Variants in ANKH observed in about 807,000 individuals in gnomAD.
The protein encoded by ANKH is mineralization regulator ANKH.
A neutral mutation model predicts 49.0 loss-of-function variants in ANKH; 15 were observed. That is an observed-to-expected ratio of 0.31 (90% confidence interval 0.20 to 0.47). The LOEUF is 0.47. Ranked by LOEUF, ANKH falls within the 20% of genes least tolerant of loss-of-function variation. The probability of loss-of-function intolerance (pLI) is 1.00; values close to 1 mark genes in which losing one functional copy is unlikely to be tolerated. For missense variants in ANKH, 429 were observed against 652.0 expected (o/e 0.66, Z 3.72); for synonymous variants, 273 against 260.0 (o/e 1.05, Z -0.48).
At chr5:14,717,086 T>C in intron 8 of ANKH, 2 of 468,148 alleles carry the variant, frequency 4.3e-6, no homozygotes, top group Admixed American at 6.4e-5. Flanking sequence ...CCTCCAAGAG[T>C]GGGTCATTTA....
chr5:14,797,479 GT>G, intron 1 of ANKH: 1 of 1,611,268 alleles, frequency 6.2e-7, no homozygotes, highest in Non-Finnish European at 8.5e-7. Context: ...TGCAACTTAA[GT>G]TTCAGATTTC....
In ANKH at chr5:14,711,312, T is replaced by C; in HGVS notation, c.1366-2A>G. The C allele has an allele frequency of 6.2e-7, 1 of 1,613,004 alleles. No homozygotes were observed. Among genetic ancestry groups the C allele is most frequent in the Non-Finnish European group, 8.5e-7 (1 of 1,178,982 alleles). ...CGACTCATTCTCCATCTTCTTTTTC[T>C]AGACCAAAGAAGACTCATCAGTGTG... is the stretch of plus-strand genomic sequence containing the variant. On this transcript the variant is annotated splice_acceptor_variant, in intron 11 of 11. Transcript: ENST00000284268. LOFTEE classifies it high-confidence loss of function.
At chr5:14,870,852 G>A (rs755290618) in intron 1 of ANKH, 5 of 180,464 alleles carry the variant, frequency 2.8e-5, no homozygotes, top group Admixed American at 5.8e-5. Context: ...GTCAAGACCG[G>A]CTTATCAGGA....
At chr5:14,791,374 T>C (rs955187808) in intron 1 of ANKH, among the ~76,000 whole-genome samples, 5 of 152,166 alleles carry the variant, frequency 3.3e-5, no homozygotes, top group African/African-American at 1.2e-4. Flanking sequence ...TGGTAGTTGC[T>C]TGGTGATTTC....
intron 1 of ANKH, chr5:14,797,496 T>C: frequency 7.4e-6 from 12 of 1,611,316 alleles, no homozygotes; most frequent in Non-Finnish European, 1.0e-5. Flanking sequence ...ATTTCTCAGA[T>C]CCCACAAGGC....
In ANKH at chr5:14,737,193, G is replaced by A. The variant is rs1738214590; in HGVS notation, c.1011+4634C>T. Among the ~76,000 whole-genome samples the A allele has an allele frequency of 1.3e-5, 2 of 152,228 alleles. No individual in the cohort carries two copies. The highest frequency in any genetic ancestry group is 1.3e-4 in the Admixed American group (2 of 15,280). ...CTTTCACCACTTGGCCTGGCATGCA[G>A]GAATAGGGAGGTCCGTCACTCTTTT... On this transcript the variant is annotated intron_variant, in intron 8 of 11. Coordinates refer to ENST00000284268, the MANE Select transcript of ANKH (RefSeq NM_054027.6). The surrounding 1 kb of genome is among the most constrained non-coding windows in gnomAD (Gnocchi z 5.0).
At chr5:14,837,223 A>C (rs76325372) in intron 1 of ANKH, among the ~76,000 whole-genome samples, 43,489 of 152,002 alleles carry the variant, frequency 0.29, 6,285 homozygotes, top group Admixed American at 0.35. Flanking sequence ...GGACTTCATG[A>C]CTAAAAAACA....
rs1373195672 is a variant in ANKH, at chr5:14,710,857, T to G, written c.*340A>C. The G allele has an allele frequency of 2.8e-6, 1 of 361,958 alleles. No individual in the cohort carries two copies. Among genetic ancestry groups the G allele is most frequent in the African/African-American group, 2.1e-5 (1 of 47,132 alleles). 22.4% of individuals were successfully genotyped at this position (361,958 alleles called of 1,614,324 possible). A position where few individuals can be genotyped will look rare whatever the true frequency, so the allele number is the denominator to read the frequency against. On this transcript the variant is annotated 3_prime_UTR_variant, in exon 12 of 12. Coordinates refer to ENST00000284268, the MANE Select transcript of ANKH (RefSeq NM_054027.6). ...GGTGACCGAGGCGCGATGGCACAGC[T>G]GCAGTCCTTTGGTTCCAAGAGGAGA...
intron 1 of ANKH, among the ~76,000 whole-genome samples, chr5:14,789,362 G>A (rs1740085250): frequency 6.6e-6 from 1 of 151,590 alleles, no homozygotes; most frequent in Non-Finnish European, 1.5e-5. Flanking sequence ...TGAGTTAAAT[G>A]CATTTTTTAA....
chr5:14,838,840 G>A (rs1404646352), intron 1 of ANKH, among the ~76,000 whole-genome samples: 1 of 152,120 alleles, frequency 6.6e-6, no homozygotes, highest in Non-Finnish European at 1.5e-5. Flanking sequence ...AACTGCAGGT[G>A]TGCCCAGGAA....
At chr5:14,783,969 A>G (rs984850678) in intron 1 of ANKH, among the ~76,000 whole-genome samples, 15 of 152,228 alleles carry the variant, frequency 9.9e-5, no homozygotes, top group African/African-American at 7.2e-5. Flanking sequence ...TACTCGGGTA[A>G]GGGGACCAAG....
chr5:14,832,447 C>T (rs1241017254), intron 1 of ANKH, among the ~76,000 whole-genome samples: 1 of 152,076 alleles, frequency 6.6e-6, no homozygotes, highest in Admixed American at 6.6e-5. Flanking sequence ...ACTCAATAAC[C>T]GAAGTCAATT....
At chr5:14,855,848 G>GAAAAAAAAAAAAAAAAAAA in intron 1 of ANKH, among the ~76,000 whole-genome samples, 1 of 119,902 alleles carries the variant, frequency 8.3e-6, no homozygotes, top group African/African-American at 3.0e-5. Context: ...AAAAGAAAAA[G>GAAAAAAAAAAAAAAAAAAA]AAAAAAAAAA....
At position 14,866,498 on chromosome 5, in the gene ANKH, C is replaced by T. The variant is rs917774129; in HGVS notation, c.96+4854G>A. 5.3e-5 allele frequency among the ~76,000 whole-genome samples: 8 copies of T among 152,184 alleles called. No homozygotes were observed. In the East Asian group the frequency reaches 1.5e-3, roughly 29 times the overall value. ...GTTCTATGTCATTTGGTGAATTTGG[C>T]TTTTAAGGAAATTGGGGACTCTGAA... On this transcript the variant is annotated intron_variant, in intron 1 of 11. Coordinates refer to ENST00000284268, the MANE Select transcript of ANKH (RefSeq NM_054027.6).
In ANKH at chr5:14,709,935, C is replaced by T. The variant is rs1737099978; in HGVS notation, c.*1262G>A. On this transcript the variant is annotated 3_prime_UTR_variant, in exon 12 of 12. Transcript: ENST00000284268. ...TTTAAAATATTTTTTTTTTTAGGTT[C>T]TTTCAGTCTAGGAATTCTGACTAAA... 2 of 152,192 alleles carry T rather than the reference C, an allele frequency of 1.3e-5. No individual in the cohort carries two copies. Among genetic ancestry groups the T allele is most frequent in the Admixed American group, 6.5e-5 (1 of 15,276 alleles). The allele number at this position is 152,192 out of a possible 1,614,324, so 9.4% of individuals were successfully genotyped here. A position where few individuals can be genotyped will look rare whatever the true frequency, so the allele number is the denominator to read the frequency against.
chr5:14,805,468 C>CACAT (rs1554007313), intron 1 of ANKH, among the ~76,000 whole-genome samples: 147 of 133,728 alleles, frequency 1.1e-3, no homozygotes, highest in African/African-American at 2.9e-3. Context: ...TGTACACACA[C>CACAT]ATATATGTTT....
At chr5:14,764,147 T>C (rs1739185276) in intron 2 of ANKH, among the ~76,000 whole-genome samples, 1 of 152,062 alleles carries the variant, frequency 6.6e-6, no homozygotes, top group Non-Finnish European at 1.5e-5. Flanking sequence ...CCCTTGAGTC[T>C]TCCCTCCTAC....
chr5:14,718,582 G>A (rs575228628), intron 8 of ANKH, among the ~76,000 whole-genome samples: 32 of 152,196 alleles, frequency 2.1e-4, no homozygotes, highest in East Asian at 9.7e-4. Context: ...AGGCTGAGGC[G>A]GGCGGATGAC....
Position 14,787,684 on chromosome 5 carries a change from T to C in ANKH, c.97-18493A>G, listed in dbSNP as rs191601147. Among the ~76,000 whole-genome samples, 344 of 152,316 alleles carry C rather than the reference T, an allele frequency of 2.3e-3. 2 individuals carry two copies. Among genetic ancestry groups the C allele is most frequent in the African/African-American group, 8.0e-3 (331 of 41,578 alleles). On this transcript the variant is annotated intron_variant, in intron 1 of 11. Coordinates refer to ENST00000284268, the MANE Select transcript of ANKH (RefSeq NM_054027.6). Reference sequence around the variant, plus strand: ...AAATGAAATGCCTAATTTTCTAGGGTGCAAAGCCAAGGAAGCACCCGGCAA... The same window carrying C: ...AAATGAAATGCCTAATTTTCTAGGGCGCAAAGCCAAGGAAGCACCCGGCAA...
Sources: allele counts gnomAD v4.1 joint callset (sites outside exome capture counted in the v4.1 genomes callset), GRCh38; gene constraint gnomAD v4.1.1; non-coding constraint Gnocchi (gnomAD v3.1); transcripts MANE v1.5; gene names NCBI Gene and HGNC (gene_info 2026-07-23, HGNC 2026-07-21).